The following LRP1B variants were observed in gnomAD, a reference collection of about 807,000 sequenced individuals.
LRP1B encodes the protein LDL receptor related protein 1B.
Under a neutral mutation model 556.6 loss-of-function variants are expected in LRP1B, and 217 were observed. The ratio of observed to expected loss-of-function variants is 0.39; its 90% CI spans 0.35 to 0.44. The LOEUF (loss-of-function observed/expected upper bound fraction) is 0.44. LRP1B is among the 20% of genes least tolerant of loss of function. The pLI, the probability that LRP1B is intolerant of heterozygous loss-of-function variation, is 1.00. For missense variants in LRP1B, 5,053 were observed against 5,620.8 expected (o/e 0.90, Z 3.23); for synonymous variants, 2,047 against 1,865.8 (o/e 1.10, Z -2.50).
At chr2:141,749,986 G>T (rs577615168) in intron 2 of LRP1B, among the ~76,000 whole-genome samples, 1 of 152,082 alleles carries the variant, frequency 6.6e-6, no homozygotes, top group African/African-American at 2.4e-5. Flanking sequence ...ACTAGTAACC[G>T]GAAGGAAGCT....
rs1044552118 is a variant in LRP1B at position 140,874,689 on chromosome 2, T to C, written c.4170-6426A>G. ...TCTGTACGTGCTTTTAAAGTACTTG[T>C]GATATTAAATTACAGGGCTTGGACT... is the stretch of plus-strand genomic sequence containing the variant. On this transcript the variant is annotated intron_variant, in intron 25 of 90. Transcript: ENST00000389484. Among the ~76,000 whole-genome samples the C allele has an allele frequency of 7.9e-5, 12 of 151,946 alleles. 1 individual carries two copies. Among genetic ancestry groups the C allele is most frequent in the Admixed American group, 6.6e-4 (10 of 15,230 alleles).
chr2:142,000,633 C>T lies in LRP1B; in HGVS notation c.82+130015G>A, dbSNP rs1702624885. 3.9e-5 allele frequency among the ~76,000 whole-genome samples: 6 copies of T among 152,250 alleles called. No homozygotes were observed. In the South Asian group the frequency reaches 1.0e-3, roughly 26 times the overall value. ...TTAGGGTCTGTGTCCCAAACCAGCT[C>T]TTTGATAGTGTTAACAATAGTATCT... is the stretch of plus-strand genomic sequence containing the variant. On this transcript the variant is annotated intron_variant, in intron 1 of 90. Coordinates refer to ENST00000389484, the MANE Select transcript of LRP1B (RefSeq NM_018557.3).
At chr2:140,993,733 T>C (rs1438625076) in intron 16 of LRP1B, among the ~76,000 whole-genome samples, 1 of 152,026 alleles carries the variant, frequency 6.6e-6, no homozygotes, top group Non-Finnish European at 1.5e-5. Flanking sequence ...GTGGCGCTGA[T>C]ATCATGGAAT....
chr2:140,980,415 T>C (rs943545338), intron 18 of LRP1B, among the ~76,000 whole-genome samples: 5 of 152,180 alleles, frequency 3.3e-5, no homozygotes, highest in African/African-American at 1.2e-4. Flanking sequence ...CTCAACCCAC[T>C]TTATTGGTCA....
At chr2:141,267,029 A>G (rs1343520282) in intron 3 of LRP1B, among the ~76,000 whole-genome samples, 2 of 152,236 alleles carry the variant, frequency 1.3e-5, no homozygotes, top group African/African-American at 4.8e-5. Flanking sequence ...TATGAGGACA[A>G]TGACATTTCA....
chr2:140,771,755 T>C (rs1689320251), intron 33 of LRP1B, among the ~76,000 whole-genome samples: 1 of 152,208 alleles, frequency 6.6e-6, no homozygotes, highest in African/African-American at 2.4e-5. Context: ...CCCAGAAAGT[T>C]CATTAAAAAT....
chr2:141,028,928 A>G (rs1440724146), intron 11 of LRP1B, among the ~76,000 whole-genome samples: 2 of 152,158 alleles, frequency 1.3e-5, no homozygotes, highest in East Asian at 3.9e-4. Context: ...CAAAAGAGAA[A>G]AAGGCAGGAA....
chr2:141,651,037 A>G (rs1689768827), intron 2 of LRP1B, among the ~76,000 whole-genome samples: 1 of 152,196 alleles, frequency 6.6e-6, no homozygotes. Flanking sequence ...AATCTTATCC[A>G]TGCCGGACTT....
intron 2 of LRP1B, among the ~76,000 whole-genome samples, chr2:141,602,377 C>T (rs912940369): frequency 2.0e-5 from 3 of 152,070 alleles, no homozygotes; most frequent in Non-Finnish European, 4.4e-5. Flanking sequence ...AAAGTGTAAT[C>T]CACATATAGT....
intron 20 of LRP1B, among the ~76,000 whole-genome samples, chr2:140,940,631 T>G (rs1573903505): frequency 6.6e-6 from 1 of 152,284 alleles, no homozygotes; most frequent in East Asian, 1.9e-4. Flanking sequence ...CCAGCCTTAC[T>G]TATTTTTCCA....
intron 14 of LRP1B, among the ~76,000 whole-genome samples, chr2:141,007,898 A>G (rs1284679838): frequency 6.6e-6 from 1 of 151,716 alleles, no homozygotes. Flanking sequence ...TGAATACTAC[A>G]TATTAAGAGA....
chr2:140,329,276 C>T (rs544115868), intron 79 of LRP1B, among the ~76,000 whole-genome samples: 1 of 152,146 alleles, frequency 6.6e-6, no homozygotes, highest in African/African-American at 2.4e-5. Flanking sequence ...ATGACAAACC[C>T]ATAGCCAATA....
intron 43 of LRP1B, among the ~76,000 whole-genome samples, chr2:140,556,415 G>A (rs1247808669): frequency 6.6e-6 from 1 of 151,916 alleles, no homozygotes; most frequent in Non-Finnish European, 1.5e-5. Flanking sequence ...TCCCCCCACA[G>A]TCTAGTATAT....
intron 2 of LRP1B, among the ~76,000 whole-genome samples, chr2:141,806,748 T>C (rs1464074850): frequency 3.9e-5 from 6 of 152,080 alleles, no homozygotes; most frequent in African/African-American, 1.4e-4. Context: ...CCAGGATTTC[T>C]TATTGTTCTG....
chr2:141,010,395 C>A, intron 14 of LRP1B, among the ~76,000 whole-genome samples: 1 of 152,008 alleles, frequency 6.6e-6, no homozygotes. Context: ...AGAAAAATAT[C>A]TTTACACTAA....
intron 2 of LRP1B, among the ~76,000 whole-genome samples, chr2:141,670,376 T>C (rs1467693896): frequency 1.3e-5 from 2 of 152,232 alleles, no homozygotes; most frequent in African/African-American, 2.4e-5. Context: ...AAAATAACAC[T>C]TTATTTTTAA....
intron 1 of LRP1B, among the ~76,000 whole-genome samples, chr2:141,831,083 T>C (rs1697098440): frequency 6.6e-6 from 1 of 151,804 alleles, no homozygotes; most frequent in South Asian, 2.1e-4. Flanking sequence ...ATTAATTTCA[T>C]TACTTAATAG....
chr2:141,474,989 T>C, intron 3 of LRP1B, among the ~76,000 whole-genome samples: 1 of 152,196 alleles, frequency 6.6e-6, no homozygotes. Context: ...AATTCCTCTT[T>C]TCACTGACCT....
chr2:141,818,476 C>T (rs368071467), intron 1 of LRP1B, among the ~76,000 whole-genome samples: 1 of 147,480 alleles, frequency 6.8e-6, no homozygotes, highest in Middle Eastern at 3.7e-3. Flanking sequence ...TCAACATGCA[C>T]TTTTAACTCT....
Sources: allele counts gnomAD v4.1 joint callset (sites outside exome capture counted in the v4.1 genomes callset), GRCh38; gene constraint gnomAD v4.1.1; transcripts MANE v1.5; gene names NCBI Gene and HGNC (gene_info 2026-07-23, HGNC 2026-07-21).